Variants in PMS2 observed in about 807,000 individuals in gnomAD.
PMS2 encodes mismatch repair endonuclease PMS2.
PMS2 carries 69 observed loss-of-function variants against 90.0 expected under a neutral mutation model. The ratio of observed to expected loss-of-function variants is 0.77; its 90% CI spans 0.63 to 0.94. The LOEUF (loss-of-function observed/expected upper bound fraction) is 0.94. Ranked by LOEUF, PMS2 falls within the 40% of genes least tolerant of loss-of-function variation. The probability of loss-of-function intolerance (pLI) is 0.00; values close to 1 mark genes in which losing one functional copy is unlikely to be tolerated. For synonymous variants in PMS2, 332 were observed against 375.1 expected (o/e 0.89, Z 1.33); for missense variants, 966 against 1,040.2 (o/e 0.93, Z 0.98).
intron 9 of PMS2, 139 bp from the exon 10 acceptor site, chr7:5,990,094 G>C (rs1395372377): frequency 4.0e-6 from 2 of 505,284 alleles, no homozygotes; most frequent in East Asian, 7.6e-5. Context: ...TGCAACCTCC[G>C]CCTCCTGGGT....
At chr7:5,998,762 C>G (rs936356256) in intron 6 of PMS2, among the ~76,000 whole-genome samples, 1 of 151,242 alleles carries the variant, frequency 6.6e-6, no homozygotes, top group African/African-American at 2.4e-5. Flanking sequence ...GAGGCCGAGG[C>G]TGGTGGATCA....
chr7:5,990,136 GTAGC>G (rs1562646168), intron 9 of PMS2, among the ~76,000 whole-genome samples, 181 bp from the exon 10 acceptor site: 1 of 152,230 alleles, frequency 6.6e-6, no homozygotes, highest in Non-Finnish European at 1.5e-5. Flanking sequence ...AGCCTCCGAA[GTAGC>G]TAGGATTACA....
chr7:5,992,079 G>C (rs1425435683), intron 8 of PMS2, 22 bp from the exon 9 acceptor site: 1 of 1,308,800 alleles, frequency 7.6e-7, no homozygotes, highest in South Asian at 1.2e-5. Context: ...ACAAGGAGTA[G>C]AAAAGAATAA....
intron 12 of PMS2, among the ~76,000 whole-genome samples, chr7:5,982,020 C>A (rs2128697523): frequency 6.6e-6 from 1 of 151,530 alleles, no homozygotes; most frequent in Middle Eastern, 3.4e-3. Context: ...ACTATTAGGT[C>A]TCTTTTTTTT....
chr7:5,992,194 A>T, intron 8 of PMS2, 137 bp from the exon 9 acceptor site: 1 of 636,272 alleles, frequency 1.6e-6, no homozygotes, highest in Non-Finnish European at 2.8e-6. Context: ...TTTTGAGTCA[A>T]GGTCTCGCCT....
rs1324742107 is a variant in PMS2 at position 5,992,179 on chromosome 7, T to G, written c.904-122A>C. On this transcript the variant is annotated intron_variant, in intron 8 of 14. Coordinates refer to ENST00000265849, the MANE Select transcript of PMS2 (RefSeq NM_000535.7). ...TAGAAGGGGATACTTTTTTGTTTTT[T>G]TTTTTTTTGAGTCAAGGTCTCGCCT... is the stretch of plus-strand genomic sequence containing the variant. The G allele has an allele frequency of 1.2e-4, 80 of 666,226 alleles. 1 individual carries two copies. In the South Asian group the frequency reaches 1.2e-3, roughly 10 times the overall value. 41.3% of individuals were successfully genotyped at this position (666,226 alleles called of 1,614,324 possible).
chr7:5,993,002 T>C (rs999281318), intron 8 of PMS2, among the ~76,000 whole-genome samples: 190 of 152,298 alleles, frequency 1.2e-3, no homozygotes, highest in African/African-American at 4.3e-3. Context: ...TAATTATGAA[T>C]CCATCACACT....
At chr7:5,981,174 GGAGA>G (rs1243200088) in intron 12 of PMS2, among the ~76,000 whole-genome samples, 1 of 151,732 alleles carries the variant, frequency 6.6e-6, no homozygotes, top group Non-Finnish European at 1.5e-5. Context: ...GTTTGGCCGA[GGAGA>G]GAGAAATACC....
intron 11 of PMS2, 100 bp from the exon 12 acceptor site, chr7:5,983,091 A>G: frequency 1.3e-6 from 2 of 1,529,260 alleles, no homozygotes; most frequent in Non-Finnish European, 1.8e-6. Context: ...CAATACAAAA[A>G]CAAAATAAAG....
intron 1 of PMS2, 49 bp downstream of exon 1, chr7:6,008,948 A>C: frequency 3.7e-6 from 6 of 1,610,712 alleles, no homozygotes; most frequent in Non-Finnish European, 5.1e-6. Context: ...CGTGGGTCTC[A>C]AAGAGGGCGC....
rs962672601 is a variant in PMS2 at position 5,984,962 on chromosome 7, T to G, written c.2006+1797A>C. Among the ~76,000 whole-genome samples, 22 of 151,744 alleles carry G rather than the reference T, an allele frequency of 1.4e-4. 1 individual carries two copies. Among genetic ancestry groups the G allele is most frequent in the African/African-American group, 5.1e-4 (21 of 41,108 alleles). ...GCCCACATTTCCTATGGTGAGGGGC[T>G]CCACACAGAGCTCAAATCCAAGTCA... On this transcript the variant is annotated intron_variant, in intron 11 of 14. Transcript: ENST00000265849.
intron 8 of PMS2, among the ~76,000 whole-genome samples, 162 bp from the exon 9 acceptor site, chr7:5,992,219 G>A (rs1371993427): frequency 6.6e-6 from 1 of 151,100 alleles, no homozygotes; most frequent in Non-Finnish European, 1.5e-5. Flanking sequence ...ACAGCCTGGA[G>A]TGCAGTGGAG....
chr7:5,996,667 A>G (rs1447076211), intron 7 of PMS2, among the ~76,000 whole-genome samples: 1 of 150,464 alleles, frequency 6.6e-6, no homozygotes, highest in Non-Finnish European at 1.5e-5. Context: ...GGAAGTGTCT[A>G]TTTTCTTATA....
At chr7:5,995,743 G>A in intron 7 of PMS2, 110 bp from the exon 8 acceptor site, 7 of 796,356 alleles carry the variant, frequency 8.8e-6, no homozygotes, top group South Asian at 6.9e-5. Flanking sequence ...CAGGTGACAT[G>A]CTGATAAGGA....
chr7:6,002,561 A>C lies in PMS2; in HGVS notation c.429T>G (p.Ile143Met), dbSNP rs35650314. 1 of 1,611,710 alleles carries C rather than the reference A, an allele frequency of 6.2e-7. No individual in the cohort carries two copies. Among genetic ancestry groups the C allele is most frequent in the African/African-American group, 1.3e-5 (1 of 74,828 alleles). Reference protein sequence around the residue: ...TRLMFDHNGKIIQKTPYPRPR... With the variant: ...TRLMFDHNGKMIQKTPYPRPR... ...GGCGGGGGTAGGGGGTTTTCTGGATAATTTTCCCATTGTGATCAAACATCA... is the reference window on the plus strand; with the variant it reads ...GGCGGGGGTAGGGGGTTTTCTGGATCATTTTCCCATTGTGATCAAACATCA... The change falls in exon 5 of 15, where the codon ATT becomes ATG. Residue 143 changes from isoleucine to methionine, a missense_variant. By Grantham distance (10) the Ile-to-Met change is conservative. Transcript: ENST00000265849.
intron 8 of PMS2, among the ~76,000 whole-genome samples, chr7:5,992,354 T>C (rs1783864058): frequency 1.3e-5 from 2 of 151,370 alleles, no homozygotes; most frequent in East Asian, 1.9e-4. Flanking sequence ...AGTCTCGCTC[T>C]TGTTACCCAG....
rs1205203356 is a variant in PMS2, at chr7:6,003,701, A to G, written c.342T>C (p.Leu114=). 5.7e-6 allele frequency: 9 copies of G among 1,582,068 alleles called. No homozygotes were observed. The highest frequency in any genetic ancestry group is 7.7e-6 in the Non-Finnish European group (9 of 1,165,068). The part of the protein sequence containing the change: ...FGFRGEALSS[L]CALSDVTIST... Reference sequence around the variant, plus strand: ...AAATATTGTATCACCTCAGTGCACAAAGTGAGCTCAGAGCTTCCCCCCGAA... The same window carrying G: ...AAATATTGTATCACCTCAGTGCACAGAGTGAGCTCAGAGCTTCCCCCCGAA... The change falls in exon 4 of 15, where the codon CTT becomes CTC. Residue 114 remains leucine, a synonymous_variant. Coordinates refer to ENST00000265849, the MANE Select transcript of PMS2 (RefSeq NM_000535.7).
intron 7 of PMS2, among the ~76,000 whole-genome samples, chr7:5,995,850 A>T (rs1784338339): frequency 6.6e-6 from 1 of 152,158 alleles, no homozygotes; most frequent in African/African-American, 2.4e-5. Flanking sequence ...ACAGTCAACC[A>T]ATGCACCACA....
rs863224676 is a variant in PMS2 at position 6,005,923 on chromosome 7, TTCTACTAAC to T, written c.123_131del (p.Leu42_Glu44del). ...TAGTGGCACCAGCATCCAGACTGTT[TTCTACTAAC>T]TCCTTTACCGCAGTGCTTAGACTCA... is the stretch of plus-strand genomic sequence containing the variant. On this transcript the variant is annotated inframe_deletion, in exon 2 of 15. Coordinates refer to ENST00000265849, the MANE Select transcript of PMS2 (RefSeq NM_000535.7). The T allele has an allele frequency of 1.2e-6, 2 of 1,610,884 alleles. No homozygotes were observed. Among genetic ancestry groups the T allele is most frequent in the Non-Finnish European group, 1.7e-6 (2 of 1,179,862 alleles).
Sources: gnomAD v4.1 joint callset for allele counts (sites outside exome capture counted in the v4.1 genomes callset) on GRCh38, gnomAD v4.1.1 for gene constraint, MANE v1.5 for transcripts, NCBI Gene and HGNC (gene_info 2026-07-23, HGNC 2026-07-21) for gene names.